The following GPD1 variants were observed in gnomAD, a reference collection of about 807,000 sequenced individuals.
The protein encoded by GPD1 is glycerol-3-phosphate dehydrogenase [NAD(+)], cytoplasmic.
In GPD1, 19 loss-of-function variants were observed where a neutral mutation model predicts 34.4. The observed-to-expected ratio is 0.55, with a 90% CI of 0.39 to 0.81. GPD1 has a LOEUF of 0.81. Among genes scored for constraint, GPD1 ranks in the 30% least tolerant of loss-of-function variants. The pLI, the probability that GPD1 is intolerant of heterozygous loss-of-function variation, is 0.00. For synonymous variants in GPD1, 172 were observed against 174.1 expected (o/e 0.99, Z 0.09); for missense variants, 429 against 447.0 (o/e 0.96, Z 0.36).
At chr12:50,106,133 G>C in intron 3 of GPD1, 155 bp from the exon 4 acceptor site, 1 of 658,222 alleles carries the variant, frequency 1.5e-6, no homozygotes, top group East Asian at 2.7e-5. Context: ...ATGCTGTCTG[G>C]CCTCCTCACA....
In GPD1 at chr12:50,106,694, C is replaced by G. The variant is rs1310304825; in HGVS notation, c.500-111C>G. 9.9e-6 allele frequency: 7 copies of G among 710,606 alleles called. No homozygotes were observed. The Admixed American group carries it at 2.0e-4, about 21-fold the overall frequency. The allele number at this position is 710,606 out of a possible 1,614,324, so 44.0% of individuals were successfully genotyped here. ...GGCTGAGGTGGGAGGATCGCTTAAGCCCAGGAGTTTGAGTCCAGCCTGGGC... is the reference window on the plus strand; with the variant it reads ...GGCTGAGGTGGGAGGATCGCTTAAGGCCAGGAGTTTGAGTCCAGCCTGGGC... On this transcript the variant is annotated intron_variant, in intron 4 of 7. Transcript: ENST00000301149.
intron 2 of GPD1, 28 bp downstream of exon 2, chr12:50,104,779 G>A: frequency 6.3e-7 from 1 of 1,588,628 alleles, no homozygotes; most frequent in African/African-American, 1.3e-5. Flanking sequence ...GCGAAGAACA[G>A]GGAGAGGAAG....
At chr12:50,104,945 C>CA (rs1950968185) in intron 2 of GPD1, among the ~76,000 whole-genome samples, 194 bp downstream of exon 2, 1 of 152,192 alleles carries the variant, frequency 6.6e-6, no homozygotes, top group South Asian at 2.1e-4. Context: ...CACAGGCTCC[C>CA]AGGCGGGTGG....
chr12:50,105,705 C>A lies in GPD1; in HGVS notation c.360+17C>A. ...CTTATTAAGGTGCCAGGGACACCTT[C>A]ATGTGGATGGGGGAGGGTGCGGCTC... On this transcript the variant is annotated intron_variant, in intron 3 of 7. Transcript: ENST00000301149. 1 of 1,611,770 alleles carries A rather than the reference C, an allele frequency of 6.2e-7. No individual in the cohort carries two copies. The highest frequency in any genetic ancestry group is 8.5e-7 in the Non-Finnish European group (1 of 1,177,936).
rs1418909378 is a variant in GPD1, at chr12:50,106,841, A to G, written c.536A>G (p.Glu179Gly). The change falls in exon 5 of 8, where the codon GAG becomes GGG. Residue 179 changes from glutamate to glycine, a missense_variant. Transcript: ENST00000301149. ...CCGGCCCAGGGACAACTCCTGAAAG[A>G]GCTGATGCAGACACCAAACTTCCGT... Reference protein sequence around the residue: ...KDPAQGQLLKELMQTPNFRIT... With the variant: ...KDPAQGQLLKGLMQTPNFRIT... The G allele has an allele frequency of 6.2e-7, 1 of 1,611,458 alleles. No homozygotes were observed. Among genetic ancestry groups the G allele is most frequent in the East Asian group, 2.2e-5 (1 of 44,822 alleles).
chr12:50,105,363 T>C (rs1950970560), intron 2 of GPD1, 185 bp from the exon 3 acceptor site: 1 of 609,374 alleles, frequency 1.6e-6, no homozygotes, highest in Admixed American at 2.9e-5. Flanking sequence ...GGAGACAGAG[T>C]GGTAGCTGGG....
chr12:50,106,809 C>T lies in GPD1; in HGVS notation c.504C>T (p.Cys168=), dbSNP rs753919726. ...DEKFCETTIG[C]KDPAQGQLLK... The stretch of plus-strand genomic sequence containing the variant: ...CTTGCCCCCTCCTCACTTTAGGCTG[C>T]AAGGACCCGGCCCAGGGACAACTCC... Residue 168 remains cysteine (C), a synonymous_variant, in exon 5 of 8, where the codon TGC becomes TGT. Transcript: ENST00000301149. 1.4e-5 allele frequency: 23 copies of T among 1,589,546 alleles called. No individual in the cohort carries two copies. In the South Asian group the frequency reaches 2.5e-4, roughly 17 times the overall value.
At chr12:50,106,526 G>T (rs1804775607) in intron 4 of GPD1, 100 bp downstream of exon 4, 2 of 1,176,164 alleles carry the variant, frequency 1.7e-6, no homozygotes, top group Non-Finnish European at 2.5e-6. Context: ...ATAAGGCAGA[G>T]AAAGGAAAAT....
rs1377937500 is a variant in GPD1 at position 50,111,277 on chromosome 12, T to TG, written c.*1758_*1759insG. The TG allele has an allele frequency of 6.6e-6, 1 of 152,252 alleles. No homozygotes were observed. The highest frequency in any genetic ancestry group is 2.4e-5 in the African/African-American group (1 of 41,464). 9.4% of individuals were successfully genotyped at this position (152,252 alleles called of 1,614,324 possible). ...GTGACTCAGGCCTTCCCATCAGGCC[T>TG]ATTTGTCTACCCAATAAAGCGTGTT... On this transcript the variant is annotated 3_prime_UTR_variant, in exon 8 of 8. Coordinates refer to ENST00000301149, the MANE Select transcript of GPD1 (RefSeq NM_005276.4). This position sits in a 1 kb window ranked among gnomAD's most constrained non-coding sequence, Gnocchi z 4.1.
Position 50,106,791 on chromosome 12 carries a change from C to G in GPD1, c.500-14C>G. 1.4e-6 allele frequency: 2 copies of G among 1,472,664 alleles called. No individual in the cohort carries two copies. The highest frequency in any genetic ancestry group is 1.9e-6 in the Non-Finnish European group (2 of 1,070,928). The allele number at this position is 1,472,664 out of a possible 1,614,324, so 91.2% of individuals were successfully genotyped here. On this transcript the variant is annotated splice_polypyrimidine_tract_variant and intron_variant, in intron 4 of 7. Transcript: ENST00000301149. Reference sequence around the variant, plus strand: ...GAGTCCTTCCCTCAAAGCCTTGCCCCCTCCTCACTTTAGGCTGCAAGGACC... The same window carrying G: ...GAGTCCTTCCCTCAAAGCCTTGCCCGCTCCTCACTTTAGGCTGCAAGGACC...
At position 50,106,274 on chromosome 12, in the gene GPD1, C is replaced by T; in HGVS notation, c.361-14C>T. Reference sequence around the variant, plus strand: ...CCCAAAGGGCACCTGGCCTGAGCTCCATCCTGTGCTCAGGGGGTAGACGAG... The same window carrying T: ...CCCAAAGGGCACCTGGCCTGAGCTCTATCCTGTGCTCAGGGGGTAGACGAG... On this transcript the variant is annotated splice_polypyrimidine_tract_variant and intron_variant, in intron 3 of 7. Transcript: ENST00000301149. 6.3e-7 allele frequency: 1 copy of T among 1,593,032 alleles called. No homozygotes were observed. Among genetic ancestry groups the T allele is most frequent in the East Asian group, 2.2e-5 (1 of 44,640 alleles).
In GPD1 at chr12:50,104,029, G is replaced by A; in HGVS notation, c.-22G>A. On this transcript the variant is annotated 5_prime_UTR_variant, in exon 1 of 8. Transcript: ENST00000301149. The stretch of plus-strand genomic sequence containing the variant: ...AGCTAGGGAGTGTGGCACTGAGCCG[G>A]CTCAGGCAGAGACGCGGCACCATGG... 1 of 1,613,704 alleles carries A rather than the reference G, an allele frequency of 6.2e-7. No homozygotes were observed. Among genetic ancestry groups the A allele is most frequent in the Non-Finnish European group, 8.5e-7 (1 of 1,179,654 alleles).
chr12:50,105,539 C>T lies in GPD1; in HGVS notation c.220-9C>T, dbSNP rs757008468. On this transcript the variant is annotated splice_polypyrimidine_tract_variant and intron_variant, in intron 2 of 7. Coordinates refer to ENST00000301149, the MANE Select transcript of GPD1 (RefSeq NM_005276.4). ...TGCCAGGCCCGCGAGCACTTGGTCACCCCCACAGGTGGCTGTCCCAGATGT... is the reference window on the plus strand; with the variant it reads ...TGCCAGGCCCGCGAGCACTTGGTCATCCCCACAGGTGGCTGTCCCAGATGT... The T allele has an allele frequency of 6.2e-7, 1 of 1,610,024 alleles. No individual in the cohort carries two copies. The highest frequency in any genetic ancestry group is 8.5e-7 in the Non-Finnish European group (1 of 1,177,256).
rs1951018761 is a variant in GPD1, at chr12:50,111,003, C to T, written c.*1484C>T. ...GCTCTGGCCAGCATTATGCTAAAAC[C>T]CTGTTACTCTCCAATGAACCAGGGA... On this transcript the variant is annotated 3_prime_UTR_variant, in exon 8 of 8. Transcript: ENST00000301149. This position sits in a 1 kb window ranked among gnomAD's most constrained non-coding sequence, Gnocchi z 4.1. 1.3e-5 allele frequency: 2 copies of T among 152,622 alleles called. No individual in the cohort carries two copies. Among genetic ancestry groups the T allele is most frequent in the Non-Finnish European group, 2.9e-5 (2 of 68,098 alleles). The allele number at this position is 152,622 out of a possible 1,614,324, so 9.5% of individuals were successfully genotyped here.
At chr12:50,107,348 T>G in intron 5 of GPD1, 1 of 688,318 alleles carries the variant, frequency 1.5e-6, no homozygotes. Context: ...GAAGAGTGGT[T>G]TTCAGAAAAT....
Position 50,106,368 on chromosome 12 carries a change from G to A in GPD1, c.441G>A (p.Leu147=). ...GERLGIPMSV[L]MGANIASEVA... is the part of the protein sequence containing the mutation. ...GCCTCGGCATCCCCATGAGTGTGCT[G>A]ATGGGGGCCAACATTGCCAGCGAGG... is the stretch of plus-strand genomic sequence containing the variant. Residue 147 remains leucine (L), a synonymous_variant, in exon 4 of 8, where the codon CTG becomes CTA. Transcript: ENST00000301149. The A allele has an allele frequency of 1.2e-6, 2 of 1,613,126 alleles. No homozygotes were observed. The highest frequency in any genetic ancestry group is 1.7e-6 in the Non-Finnish European group (2 of 1,179,278).
At chr12:50,104,420 TG>T in intron 1 of GPD1, 153 bp from the exon 2 acceptor site, 1 of 728,134 alleles carries the variant, frequency 1.4e-6, no homozygotes, top group Non-Finnish European at 2.5e-6. Flanking sequence ...GCCAGGTCAC[TG>T]GGGACTATTT....
Position 50,104,555 on chromosome 12 carries a change from G to T in GPD1, c.42-19G>T. On this transcript the variant is annotated intron_variant, in intron 1 of 7. Transcript: ENST00000301149. ...CTGTTCCCTCCTCCTGTACTTTCCTGTGCTCCCCCTCCCACCAGGGGCTCA... is the reference window on the plus strand; with the variant it reads ...CTGTTCCCTCCTCCTGTACTTTCCTTTGCTCCCCCTCCCACCAGGGGCTCA... 6.2e-7 allele frequency: 1 copy of T among 1,605,028 alleles called. No homozygotes were observed. Among genetic ancestry groups the T allele is most frequent in the Non-Finnish European group, 8.5e-7 (1 of 1,171,872 alleles).
Position 50,104,089 on chromosome 12 carries a change from C to T in GPD1, c.39C>T (p.Asn13=), listed in dbSNP as rs922947825. The change falls in exon 1 of 8, where the codon AAC becomes AAT. Residue 13 remains asparagine (N), a splice_region_variant and synonymous_variant. Coordinates refer to ENST00000301149, the MANE Select transcript of GPD1 (RefSeq NM_005276.4). Reference sequence around the variant, plus strand: ...AAGTCTGCATTGTAGGCTCCGGGAACTGGTAAGCAGCTCTGTCAAGTGATA... The same window carrying T: ...AAGTCTGCATTGTAGGCTCCGGGAATTGGTAAGCAGCTCTGTCAAGTGATA... ...SKKVCIVGSG[N]WGSAIAKIVG... The T allele has an allele frequency of 1.9e-5, 31 of 1,613,932 alleles. No individual in the cohort carries two copies. The Middle Eastern group carries it at 4.9e-4, about 26-fold the overall frequency.
Sources: gnomAD v4.1 joint callset for allele counts (sites outside exome capture counted in the v4.1 genomes callset) on GRCh38, gnomAD v4.1.1 for gene constraint, Gnocchi (gnomAD v3.1) non-coding constraint, MANE v1.5 for transcripts, NCBI Gene and HGNC (gene_info 2026-07-23, HGNC 2026-07-21) for gene names.